MPST: variants seen among roughly 807,000 people sequenced by gnomAD.
MPST encodes 3-mercaptopyruvate sulfurtransferase.
In MPST, 27 loss-of-function variants were observed where a neutral mutation model predicts 28.5. That is an observed-to-expected ratio of 0.95 (90% CI 0.70 to 1.31). The LOEUF is 1.31. Among genes scored for constraint, MPST ranks in the 50% most tolerant of loss-of-function variants. The probability of loss-of-function intolerance (pLI) is 0.00; values close to 1 mark genes in which losing one functional copy is unlikely to be tolerated. For missense variants in MPST, 492 were observed against 471.1 expected, an observed-to-expected ratio of 1.04 and a Z score of -0.41; for synonymous variants, 204 against 209.3, an observed-to-expected ratio of 0.97 and a Z score of 0.22.
At chr22:37,021,825 C>A (rs1923099664) in intron 1 of MPST, among the ~76,000 whole-genome samples, 1 of 151,964 alleles carries the variant, frequency 6.6e-6, no homozygotes, top group African/African-American at 2.4e-5. Flanking sequence ...TGGTGGTTGC[C>A]CCTCTACATT....
At position 37,024,818 on chromosome 22, in the gene MPST, G is replaced by T. The variant is rs780107942; in HGVS notation, c.655+8G>T. The stretch of plus-strand genomic sequence containing the variant: ...AGCCCGAGCCCCGAGACGGTAACGC[G>T]GGGGAAGGGGGCAGGAGGTCGTCGG... On this transcript the variant is annotated splice_region_variant and intron_variant, in intron 2 of 2. Coordinates refer to ENST00000429360, the MANE Select transcript of MPST (RefSeq NM_021126.8). 1.9e-6 allele frequency: 3 copies of T among 1,603,932 alleles called. No individual in the cohort carries two copies. The highest frequency in any genetic ancestry group is 2.2e-5 in the East Asian group (1 of 44,808).
intron 2 of MPST, chr22:37,027,193 T>C (rs1318251200): frequency 6.5e-6 from 1 of 152,702 alleles, no homozygotes. Context: ...CCTCAGGTAA[T>C]CTGCCCCCCT....
rs1298139548 is a variant in MPST, at chr22:37,024,504, G to A, written c.349G>A (p.Val117Ile). ...CCTGGGCGTGGGCGCGGCCACCCAC[G>A]TCGTGATCTACGACGCCAGCGACCA... ...GRLGVGAATH[V>I]VIYDASDQGL... Residue 117 changes from valine (V) to isoleucine (I), a missense_variant, in exon 2 of 3, where the codon GTC (valine) becomes ATC (isoleucine). Val to Ile is a conservative substitution (Grantham distance 29, BLOSUM62 3). Coordinates refer to ENST00000429360, the MANE Select transcript of MPST (RefSeq NM_021126.8). 2.6e-6 allele frequency: 4 copies of A among 1,563,776 alleles called. No individual in the cohort carries two copies. The East Asian group carries it at 9.4e-5, about 37-fold the overall frequency.
chr22:37,022,388 C>A (rs1923138635), intron 1 of MPST, among the ~76,000 whole-genome samples: 1 of 152,228 alleles, frequency 6.6e-6, no homozygotes, highest in African/African-American at 2.4e-5. Flanking sequence ...TGCCTGCAGC[C>A]TGACGTTTCC....
intron 2 of MPST, chr22:37,028,168 A>G (rs965363772): frequency 6.6e-6 from 1 of 152,048 alleles, no homozygotes; most frequent in Non-Finnish European, 1.5e-5. Flanking sequence ...TGGGAAGCTG[A>G]GGCAGAAGGA....
rs946479066 is a variant in MPST, at chr22:37,023,830, T to G, written c.37-362T>G. The G allele has an allele frequency of 4.6e-6, 6 of 1,304,526 alleles. No homozygotes were observed. In the Admixed American group the frequency reaches 8.9e-5, roughly 19 times the overall value. 80.8% of individuals were successfully genotyped at this position (1,304,526 alleles called of 1,614,324 possible). The stretch of plus-strand genomic sequence containing the variant: ...GTTGCAAATAAAGCCGAGCTGCATC[T>G]TAGGGAGGGGTGGAGACTTTGCCCC... On this transcript the variant is annotated intron_variant, in intron 1 of 2. Coordinates refer to ENST00000429360, the MANE Select transcript of MPST (RefSeq NM_021126.8).
At chr22:37,021,993 C>G (rs1373830722) in intron 1 of MPST, among the ~76,000 whole-genome samples, 1 of 152,048 alleles carries the variant, frequency 6.6e-6, no homozygotes, top group Non-Finnish European at 1.5e-5. Context: ...TAAACCAGGG[C>G]TCTTTCTACT....
At chr22:37,020,794 G>A (rs905290362) in intron 1 of MPST, among the ~76,000 whole-genome samples, 3 of 152,146 alleles carry the variant, frequency 2.0e-5, no homozygotes, top group Admixed American at 6.5e-5. Flanking sequence ...AAGTAGGTGG[G>A]ACCACAGGCA....
At position 37,024,185 on chromosome 22, in the gene MPST, CG is replaced by C; in HGVS notation, c.37-6del. On this transcript the variant is annotated splice_polypyrimidine_tract_variant and splice_region_variant and intron_variant, in intron 1 of 2. Coordinates refer to ENST00000429360, the MANE Select transcript of MPST (RefSeq NM_021126.8). The stretch of plus-strand genomic sequence containing the variant: ...GCTTCCCTTCTGACATCCTCCCTGT[CG>C]CCCAGGCCCGCAGCCCGAGTGTCGC... The C allele has an allele frequency of 7.3e-7, 1 of 1,373,796 alleles. No individual in the cohort carries two copies. The highest frequency in any genetic ancestry group is 9.3e-7 in the Non-Finnish European group (1 of 1,071,268). The allele number at this position is 1,373,796 out of a possible 1,614,324, so 85.1% of individuals were successfully genotyped here. A position where few individuals can be genotyped will look rare whatever the true frequency, so the allele number is the denominator to read the frequency against.
chr22:37,021,714 G>A (rs570125261), intron 1 of MPST, among the ~76,000 whole-genome samples: 15 of 151,986 alleles, frequency 9.9e-5, no homozygotes, highest in Non-Finnish European at 1.9e-4. Flanking sequence ...CTCGTTATCC[G>A]CCCGCCTTGG....
chr22:37,024,666 CCCGCCGAGTT>C lies in MPST; in HGVS notation c.516_525del (p.Glu173LeufsTer54). The C allele has an allele frequency of 6.3e-7, 1 of 1,599,032 alleles. No individual in the cohort carries two copies. The highest frequency in any genetic ancestry group is 8.5e-7 in the Non-Finnish European group (1 of 1,179,610). On this transcript the variant is annotated frameshift_variant, in exon 2 of 3. Coordinates refer to ENST00000429360, the MANE Select transcript of MPST (RefSeq NM_021126.8). LOFTEE classifies it high-confidence loss of function. ...CAGCTCCGGCAAGAGCCAACCTGCT[CCCGCCGAGTT>C]CCGCGCTCAGCTCGACCCCGCCTTC...
intron 1 of MPST, 148 bp from the exon 2 acceptor site, chr22:37,024,044 T>C: frequency 7.9e-7 from 1 of 1,258,608 alleles, no homozygotes; most frequent in Non-Finnish European, 1.0e-6. Flanking sequence ...TGTGCCCGGG[T>C]TCACCACCAC....
Position 37,029,335 on chromosome 22 carries a change from G to A in MPST, c.775G>A (p.Asp259Asn). Residue 259 changes from aspartate to asparagine, a missense_variant, in exon 3 of 3, where the codon GAC (aspartate) becomes AAC (asparagine). Physicochemically the swap from Asp to Asn is conservative, Grantham distance 23. Transcript: ENST00000429360. ...IRHLFQEKKV[D>N]LSKPLVATCG... is the part of the protein sequence containing the mutation. Reference sequence around the variant, plus strand: ...CCATCTGTTCCAGGAGAAGAAAGTGGACCTGTCTAAGCCACTGGTGGCCAC... The same window carrying A: ...CCATCTGTTCCAGGAGAAGAAAGTGAACCTGTCTAAGCCACTGGTGGCCAC... 1 of 1,614,162 alleles carries A rather than the reference G, an allele frequency of 6.2e-7. No homozygotes were observed.
intron 1 of MPST, among the ~76,000 whole-genome samples, chr22:37,022,062 G>C (rs926188039): frequency 1.3e-5 from 2 of 152,106 alleles, no homozygotes; most frequent in Non-Finnish European, 2.9e-5. Flanking sequence ...ACAGTGTTTG[G>C]GGGTGCACAG....
At chr22:37,022,326 GC>G (rs1923135289) in intron 1 of MPST, among the ~76,000 whole-genome samples, 1 of 152,132 alleles carries the variant, frequency 6.6e-6, no homozygotes, top group Non-Finnish European at 1.5e-5. Flanking sequence ...AAACATAGGG[GC>G]CCTCTGTGCT....
chr22:37,019,947 C>A, intron 1 of MPST, 75 bp downstream of exon 1: 2 of 728,298 alleles, frequency 2.7e-6, no homozygotes, highest in Non-Finnish European at 3.8e-6. Flanking sequence ...CGGCGCGGGG[C>A]TCCCGCGCGG....
intron 2 of MPST, 70 bp from the exon 3 acceptor site, chr22:37,029,146 C>G (rs1923716296): frequency 7.1e-7 from 1 of 1,411,112 alleles, no homozygotes; most frequent in African/African-American, 1.4e-5. Context: ...ATATCTCGAG[C>G]ACCACAAATA....
intron 2 of MPST, 124 bp downstream of exon 2, chr22:37,024,934 T>TCTTTC (rs778257581): frequency 1.0e-4 from 154 of 1,537,690 alleles, no homozygotes; most frequent in Non-Finnish European, 1.3e-4. Context: ...TTTCCTTTTT[T>TCTTTC]CTTTCCTTTC....
chr22:37,024,835 G>A (rs1245935659), intron 2 of MPST, 25 bp downstream of exon 2: 3 of 1,599,874 alleles, frequency 1.9e-6, no homozygotes, highest in Non-Finnish European at 2.5e-6. Context: ...GGGGGCAGGA[G>A]GTCGTCGGGG....
Sources: gnomAD v4.1 joint callset for allele counts (sites outside exome capture counted in the v4.1 genomes callset) on GRCh38, gnomAD v4.1.1 for gene constraint, MANE v1.5 for transcripts, NCBI Gene and HGNC (gene_info 2026-07-23, HGNC 2026-07-21) for gene names.